EHBP1: variants seen among roughly 807,000 people sequenced by gnomAD.
The protein encoded by EHBP1 is EH domain binding protein 1.
EHBP1 carries 55 observed loss-of-function variants against 144.0 expected under a neutral mutation model. The observed-to-expected ratio is 0.38, with a 90% CI of 0.31 to 0.48. EHBP1 has a LOEUF of 0.48. EHBP1 is among the 20% of genes least tolerant of loss of function. The pLI, the probability that EHBP1 is intolerant of heterozygous loss-of-function variation, is 0.98. For missense variants in EHBP1, 1,200 were observed against 1,364.2 expected (o/e 0.88, Z 1.90); for synonymous variants, 469 against 472.7 (o/e 0.99, Z 0.10).
At chr2:62,758,225 C>T (rs1050676830) in intron 3 of EHBP1, among the ~76,000 whole-genome samples, 2 of 152,094 alleles carry the variant, frequency 1.3e-5, no homozygotes, top group African/African-American at 4.8e-5. Context: ...TCTCATGCCT[C>T]AGCCTCCTGA....
At chr2:62,840,709 C>T (rs935604313) in intron 7 of EHBP1, among the ~76,000 whole-genome samples, 1 of 151,210 alleles carries the variant, frequency 6.6e-6, no homozygotes, top group Admixed American at 6.6e-5. Context: ...CAAAAGAAGA[C>T]ATTTATGCAG....
At chr2:62,728,901 AGAGT>A (rs923661411) in intron 2 of EHBP1, among the ~76,000 whole-genome samples, 2 of 152,066 alleles carry the variant, frequency 1.3e-5, no homozygotes, top group Admixed American at 6.5e-5. Context: ...ACATATAGTA[AGAGT>A]AAGTCTATAA....
chr2:62,696,166 CT>C (rs201784732), intron 1 of EHBP1, among the ~76,000 whole-genome samples: 2 of 133,938 alleles, frequency 1.5e-5, no homozygotes, highest in African/African-American at 2.7e-5. Flanking sequence ...CTCTCTCTCT[CT>C]TTCTTTCTTT....
chr2:62,780,418 G>A (rs750867346), intron 5 of EHBP1, among the ~76,000 whole-genome samples: 3 of 151,956 alleles, frequency 2.0e-5, no homozygotes, highest in Non-Finnish European at 4.4e-5. Context: ...AAAATTTTTA[G>A]CTAACTAAAT....
At chr2:62,954,815 T>C (rs1412231864) in intron 13 of EHBP1, among the ~76,000 whole-genome samples, 2 of 152,080 alleles carry the variant, frequency 1.3e-5, no homozygotes, top group Admixed American at 6.5e-5. Flanking sequence ...GGTTACTTAG[T>C]AGAAAAAAAA....
Position 62,913,987 on chromosome 2 carries a change from TTGTTTA to T in EHBP1, c.1186-28729_1186-28724del, listed in dbSNP as rs560173251. On this transcript the variant is annotated intron_variant, in intron 10 of 22. Coordinates refer to ENST00000431489, the MANE Select transcript of EHBP1 (RefSeq NM_001142616.3). ...GATTTTTGTTACATGTTTTTATCCT[TTGTTTA>T]TAACACCAAAGCTAATAATGAGGTA... 5.4e-4 allele frequency among the ~76,000 whole-genome samples: 82 copies of T among 152,302 alleles called. No individual in the cohort carries two copies. The Middle Eastern group carries it at 0.024, about 44-fold the overall frequency.
intron 5 of EHBP1, among the ~76,000 whole-genome samples, chr2:62,781,848 T>C (rs1045332097): frequency 2.0e-5 from 3 of 152,220 alleles, no homozygotes; most frequent in African/African-American, 7.2e-5. Flanking sequence ...AAAATAAAAA[T>C]AAGCTATATC....
intron 6 of EHBP1, among the ~76,000 whole-genome samples, chr2:62,829,600 T>A (rs913882397): frequency 2.0e-5 from 3 of 147,004 alleles, no homozygotes; most frequent in Non-Finnish European, 4.5e-5. Context: ...TGTGTGTATA[T>A]ATATATTATA....
At chr2:62,684,966 G>A (rs949700616) in intron 1 of EHBP1, among the ~76,000 whole-genome samples, 1 of 152,192 alleles carries the variant, frequency 6.6e-6, no homozygotes, top group Non-Finnish European at 1.5e-5. Flanking sequence ...ATCCAACACA[G>A]TTGAACTCAC....
At chr2:62,900,845 G>C (rs775264388) in intron 10 of EHBP1, among the ~76,000 whole-genome samples, 1 of 151,988 alleles carries the variant, frequency 6.6e-6, no homozygotes, top group Non-Finnish European at 1.5e-5. Flanking sequence ...CTTAAACTAT[G>C]CACTGAAATA....
At chr2:62,723,729 G>A (rs537724157) in intron 2 of EHBP1, among the ~76,000 whole-genome samples, 5 of 152,094 alleles carry the variant, frequency 3.3e-5, no homozygotes, top group African/African-American at 1.2e-4. Flanking sequence ...TTTCTCCTTC[G>A]CTTATGAAGC....
chr2:63,043,156 C>T (rs991523758), intron 21 of EHBP1, among the ~76,000 whole-genome samples: 1 of 151,964 alleles, frequency 6.6e-6, no homozygotes, highest in Non-Finnish European at 1.5e-5. Context: ...ACCTGGAGAG[C>T]CTATTAATTT....
intron 10 of EHBP1, among the ~76,000 whole-genome samples, chr2:62,925,773 G>A (rs2055458927): frequency 6.6e-6 from 1 of 152,050 alleles, no homozygotes. Flanking sequence ...CACAAAAATG[G>A]AAAGTCATCC....
At chr2:63,026,101 A>G (rs2153316309) in intron 19 of EHBP1, among the ~76,000 whole-genome samples, 1 of 152,342 alleles carries the variant, frequency 6.6e-6, no homozygotes, top group Non-Finnish European at 1.5e-5. Context: ...TACTCAATGA[A>G]ACTAACAACT....
At chr2:62,779,206 C>T (rs919110116) in intron 5 of EHBP1, among the ~76,000 whole-genome samples, 1 of 152,116 alleles carries the variant, frequency 6.6e-6, no homozygotes, top group Non-Finnish European at 1.5e-5. Context: ...TGTTCCACCC[C>T]CTCTGGAAAT....
intron 2 of EHBP1, among the ~76,000 whole-genome samples, chr2:62,738,216 A>G (rs56948083): frequency 0.018 from 2,786 of 152,174 alleles, 85 homozygotes; most frequent in African/African-American, 0.063. Flanking sequence ...CTCCTATCAT[A>G]TCCTCCCTGA....
At chr2:62,838,558 T>A (rs1426595952) in intron 7 of EHBP1, among the ~76,000 whole-genome samples, 1 of 152,060 alleles carries the variant, frequency 6.6e-6, no homozygotes, top group African/African-American at 2.4e-5. Context: ...AGGAGCTGGT[T>A]TTTTGAAAGG....
chr2:62,824,660 A>G (rs1167469759), intron 5 of EHBP1, among the ~76,000 whole-genome samples: 1 of 152,000 alleles, frequency 6.6e-6, no homozygotes, highest in Non-Finnish European at 1.5e-5. Context: ...ATTCATTCAT[A>G]AGGTATCTAC....
chr2:62,756,056 T>G (rs2040249076), intron 3 of EHBP1, among the ~76,000 whole-genome samples: 2 of 150,634 alleles, frequency 1.3e-5, no homozygotes, highest in South Asian at 4.2e-4. Flanking sequence ...GATGGATTAC[T>G]GGAGTCCAAG....
Sources: gnomAD v4.1 joint callset for allele counts (sites outside exome capture counted in the v4.1 genomes callset) on GRCh38, gnomAD v4.1.1 for gene constraint, MANE v1.5 for transcripts, NCBI Gene and HGNC (gene_info 2026-07-23, HGNC 2026-07-21) for gene names.